CCNA2: variants seen among roughly 807,000 people sequenced by gnomAD.
CCNA2 encodes cyclin-A2.
Under a neutral mutation model 49.4 loss-of-function variants are expected in CCNA2, and 3 were observed. That is an observed-to-expected ratio of 0.06 (90% confidence interval 0.03 to 0.16). The LOEUF (loss-of-function observed/expected upper bound fraction) is 0.16. Among genes scored for constraint, CCNA2 ranks in the 10% least tolerant of loss-of-function variants. CCNA2 has a pLI of 1.00. For missense variants in CCNA2, 372 were observed against 519.7 expected (o/e 0.72, Z 2.76); for synonymous variants, 206 against 197.2 (o/e 1.04, Z -0.37).
In CCNA2 at chr4:121,816,845, G is replaced by A. The variant is rs1724535059; in HGVS notation, c.*793C>T. On this transcript the variant is annotated 3_prime_UTR_variant, in exon 8 of 8. Coordinates refer to ENST00000274026, the MANE Select transcript of CCNA2 (RefSeq NM_001237.5). ...AGTGAAAAGAAGAAAAAAGAAGAGA[G>A]CTGCCAATTAAAGCTAACAGTTGTA... 6.3e-7 allele frequency: 1 copy of A among 1,588,906 alleles called. No individual in the cohort carries two copies.
chr4:121,817,464 T>A lies in CCNA2; in HGVS notation c.*174A>T, dbSNP rs769255. The A allele has an allele frequency of 1.5e-6, 1 of 666,722 alleles. No individual in the cohort carries two copies. The highest frequency in any genetic ancestry group is 2.5e-5 in the South Asian group (1 of 40,430). 41.3% of individuals were successfully genotyped at this position (666,722 alleles called of 1,614,324 possible). On this transcript the variant is annotated 3_prime_UTR_variant, in exon 8 of 8. Coordinates refer to ENST00000274026, the MANE Select transcript of CCNA2 (RefSeq NM_001237.5). ...TAGCCAAATATCTAAGACAGATACA[T>A]ATACAAAAGATATACAAATTAAAAC...
At position 121,817,617 on chromosome 4, in the gene CCNA2, A is replaced by G; in HGVS notation, c.*21T>C. On this transcript the variant is annotated 3_prime_UTR_variant, in exon 8 of 8. Coordinates refer to ENST00000274026, the MANE Select transcript of CCNA2 (RefSeq NM_001237.5). Reference sequence around the variant, plus strand: ...ACTTTGAGTGATTTACATCTTAGAAAACAAAGGCAGTCTTTCATTGTTACA... The same window carrying G: ...ACTTTGAGTGATTTACATCTTAGAAGACAAAGGCAGTCTTTCATTGTTACA... The G allele has an allele frequency of 6.2e-7, 1 of 1,613,872 alleles. No homozygotes were observed. The highest frequency in any genetic ancestry group is 8.5e-7 in the Non-Finnish European group (1 of 1,179,834).
chr4:121,823,687 G>T lies in CCNA2; in HGVS notation c.-59C>A. On this transcript the variant is annotated 5_prime_UTR_variant, in exon 1 of 8. Transcript: ENST00000274026. ...TGCGGCGCCAAGCAGCGTGCACTCTGCCCAGCCGACCACTCGCACCGACCC... is the reference window on the plus strand; with the variant it reads ...TGCGGCGCCAAGCAGCGTGCACTCTTCCCAGCCGACCACTCGCACCGACCC... The T allele has an allele frequency of 6.7e-7, 1 of 1,495,750 alleles. No homozygotes were observed. The highest frequency in any genetic ancestry group is 1.3e-5 in the South Asian group (1 of 79,396). The allele number at this position is 1,495,750 out of a possible 1,614,324, so 92.7% of individuals were successfully genotyped here. A position where few individuals can be genotyped will look rare whatever the true frequency, so the allele number is the denominator to read the frequency against.
Position 121,822,648 on chromosome 4 carries a change from T to TA in CCNA2, c.214-3dup, listed in dbSNP as rs199853275. ...AGGAAGATCCTTAAGGGGTGCAACC[T>TA]AAAAAAAAATTAATAACTGGCTTTG... On this transcript the variant is annotated splice_region_variant and splice_polypyrimidine_tract_variant and intron_variant, in intron 1 of 7. Coordinates refer to ENST00000274026, the MANE Select transcript of CCNA2 (RefSeq NM_001237.5). The TA allele has an allele frequency of 5.5e-4, 884 of 1,596,748 alleles. 13 individuals are homozygous for TA. In the East Asian group the frequency reaches 0.018, roughly 33 times the overall value.
Position 121,820,420 on chromosome 4 carries a change from G to C in CCNA2, c.794+122C>G. The C allele has an allele frequency of 1.5e-6, 1 of 660,576 alleles. No homozygotes were observed. Among genetic ancestry groups the C allele is most frequent in the African/African-American group, 1.8e-5 (1 of 54,840 alleles). 40.9% of individuals were successfully genotyped at this position (660,576 alleles called of 1,614,324 possible). A position where few individuals can be genotyped will look rare whatever the true frequency, so the allele number is the denominator to read the frequency against. On this transcript the variant is annotated intron_variant, in intron 4 of 7. Transcript: ENST00000274026. The surrounding 1 kb of genome is among the most constrained non-coding windows in gnomAD (Gnocchi z 4.1). ...CCACTGCCCTAAGCCCCAGCACATT[G>C]CCATCCCTAAAGTAGTCACTGACTC...
chr4:121,823,792 C>T lies in CCNA2; in HGVS notation c.-164G>A. 1 of 1,318,270 alleles carries T rather than the reference C, an allele frequency of 7.6e-7. No homozygotes were observed. Among genetic ancestry groups the T allele is most frequent in the Non-Finnish European group, 1.0e-6 (1 of 997,504 alleles). 81.7% of individuals were successfully genotyped at this position (1,318,270 alleles called of 1,614,324 possible). ...CCCGCTCGCTCACCCAGCTCGAGAC[C>T]ACGCAGGGCCGAGGAGGTTGCGAAA... On this transcript the variant is annotated 5_prime_UTR_variant, in exon 1 of 8. Transcript: ENST00000274026.
Position 121,820,479 on chromosome 4 carries a change from A to C in CCNA2, c.794+63T>G. ...GTATGTTAAAAGGTCACCATTAAAA[A>C]AATCAATTTCTTCCCTAGACAAAAG... On this transcript the variant is annotated intron_variant, in intron 4 of 7. Coordinates refer to ENST00000274026, the MANE Select transcript of CCNA2 (RefSeq NM_001237.5). This position sits in a 1 kb window ranked among gnomAD's most constrained non-coding sequence, Gnocchi z 4.1. 8.1e-7 allele frequency: 1 copy of C among 1,237,494 alleles called. No individual in the cohort carries two copies. The allele number at this position is 1,237,494 out of a possible 1,614,324, so 76.7% of individuals were successfully genotyped here.
rs1724541088 is a variant in CCNA2, at chr4:121,816,957, T to C, written c.*681A>G. 1 of 1,149,262 alleles carries C rather than the reference T, an allele frequency of 8.7e-7. No homozygotes were observed. Among genetic ancestry groups the C allele is most frequent in the African/African-American group, 1.6e-5 (1 of 62,190 alleles). 71.2% of individuals were successfully genotyped at this position (1,149,262 alleles called of 1,614,324 possible). A position where few individuals can be genotyped will look rare whatever the true frequency, so the allele number is the denominator to read the frequency against. On this transcript the variant is annotated 3_prime_UTR_variant, in exon 8 of 8. Coordinates refer to ENST00000274026, the MANE Select transcript of CCNA2 (RefSeq NM_001237.5). ...TTATTCACAAATCCATTATAAAATC[T>C]AGCAGGATTTTAAAAATAGTTTTTT...
At chr4:121,819,093 C>G (rs912200222) in intron 5 of CCNA2, among the ~76,000 whole-genome samples, 180 bp from the exon 6 acceptor site, 5 of 152,130 alleles carry the variant, frequency 3.3e-5, no homozygotes, top group African/African-American at 1.2e-4. Flanking sequence ...CATCCTCATC[C>G]TGTATTTTCC....
rs1455425984 is a variant in CCNA2, at chr4:121,823,569, T to G, written c.60A>C (p.Ala20=). 1.2e-6 allele frequency: 2 copies of G among 1,610,224 alleles called. No individual in the cohort carries two copies. The highest frequency in any genetic ancestry group is 2.2e-5 in the South Asian group (2 of 90,504). Residue 20 remains alanine, a synonymous_variant, in exon 1 of 8, where the codon GCA becomes GCC. Coordinates refer to ENST00000274026, the MANE Select transcript of CCNA2 (RefSeq NM_001237.5). The stretch of plus-strand genomic sequence containing the variant: ...CCTCTTGGAGCGCCGTCTGCTGCAA[T>G]GCTAGCAGCGCCGAGCCCGCCTCGC... The part of the protein sequence containing the change: ...ATREAGSALL[A]LQQTALQEDQ...
At position 121,821,076 on chromosome 4, in the gene CCNA2, A is replaced by ATAG; in HGVS notation, c.470_472dup (p.Thr157dup). 6.2e-7 allele frequency: 1 copy of ATAG among 1,613,082 alleles called. No homozygotes were observed. The highest frequency in any genetic ancestry group is 1.3e-5 in the African/African-American group (1 of 75,020). On this transcript the variant is annotated inframe_insertion, in exon 3 of 8. Transcript: ENST00000274026. ...ATCTTCTAATATAATTGACATGTCCATAGTATGTGGTGACTCTGGGACAAT... is the reference window on the plus strand; with the variant it reads ...ATCTTCTAATATAATTGACATGTCCATAGTAGTATGTGGTGACTCTGGGACAAT...
At chr4:121,818,216 T>C in intron 6 of CCNA2, 39 bp from the exon 7 acceptor site, 1 of 1,578,156 alleles carries the variant, frequency 6.3e-7, no homozygotes, top group Non-Finnish European at 8.6e-7. Context: ...AGTTTTGCTT[T>C]TAGTAACACA....
chr4:121,817,527 C>A lies in CCNA2; in HGVS notation c.*111G>T. On this transcript the variant is annotated 3_prime_UTR_variant, in exon 8 of 8. Coordinates refer to ENST00000274026, the MANE Select transcript of CCNA2 (RefSeq NM_001237.5). ...AATAGATACCATAATTTGTACTTGG[C>A]CACAACTTCTGTATTCAGAAATGAT... 7.5e-7 allele frequency: 1 copy of A among 1,333,092 alleles called. No homozygotes were observed. Among genetic ancestry groups the A allele is most frequent in the Non-Finnish European group, 1.0e-6 (1 of 962,292 alleles). 82.6% of individuals were successfully genotyped at this position (1,333,092 alleles called of 1,614,324 possible).
intron 7 of CCNA2, 86 bp from the exon 8 acceptor site, chr4:121,817,772 G>A: frequency 6.4e-7 from 1 of 1,562,222 alleles, no homozygotes; most frequent in Non-Finnish European, 8.7e-7. Flanking sequence ...TCATGTATTG[G>A]GAACTAAAAA....
At chr4:121,823,122 G>A (rs1434839334) in intron 1 of CCNA2, among the ~76,000 whole-genome samples, 2 of 152,168 alleles carry the variant, frequency 1.3e-5, no homozygotes, top group Non-Finnish European at 2.9e-5. Context: ...AGAGAAAGGC[G>A]CGGAGCTGAG....
Position 121,823,564 on chromosome 4 carries a change from T to C in CCNA2, c.65A>G (p.Gln22Arg). 2 of 1,610,926 alleles carry C rather than the reference T, an allele frequency of 1.2e-6. No homozygotes were observed. The highest frequency in any genetic ancestry group is 2.2e-5 in the South Asian group (2 of 90,568). Reference protein sequence around the residue: ...REAGSALLALQQTALQEDQEN... With the variant: ...REAGSALLALRQTALQEDQEN... ...CTGGTCCTCTTGGAGCGCCGTCTGC[T>C]GCAATGCTAGCAGCGCCGAGCCCGC... Residue 22 changes from glutamine (Q) to arginine (R), a missense_variant, in exon 1 of 8, where the codon CAG becomes CGG. By Grantham distance (43) the Gln-to-Arg change is conservative (BLOSUM62 1). Coordinates refer to ENST00000274026, the MANE Select transcript of CCNA2 (RefSeq NM_001237.5).
rs1252563363 is a variant in CCNA2, at chr4:121,816,480, C to T, written c.*1158G>A. 4.5e-6 allele frequency: 6 copies of T among 1,328,084 alleles called. No individual in the cohort carries two copies. Among genetic ancestry groups the T allele is most frequent in the Non-Finnish European group, 6.3e-6 (6 of 950,138 alleles). The allele number at this position is 1,328,084 out of a possible 1,614,324, so 82.3% of individuals were successfully genotyped here. On this transcript the variant is annotated 3_prime_UTR_variant, in exon 8 of 8. Transcript: ENST00000274026. Reference sequence around the variant, plus strand: ...ATTTCTGGTTTATTTCAAATGTATACATATACTCAACACTTATAGAGGTTT... The same window carrying T: ...ATTTCTGGTTTATTTCAAATGTATATATATACTCAACACTTATAGAGGTTT...
intron 2 of CCNA2, among the ~76,000 whole-genome samples, 158 bp from the exon 3 acceptor site, chr4:121,821,249 T>A (rs893993773): frequency 6.6e-6 from 1 of 151,932 alleles, no homozygotes; most frequent in Non-Finnish European, 1.5e-5. Flanking sequence ...TATTTTACCC[T>A]AGTCTCAGTA....
chr4:121,823,134 G>A (rs1724734534), intron 1 of CCNA2, among the ~76,000 whole-genome samples: 1 of 152,190 alleles, frequency 6.6e-6, no homozygotes, highest in Admixed American at 6.5e-5. Context: ...GGAGCTGAGC[G>A]AAGACTACAC....
Sources: gnomAD v4.1 joint callset for allele counts (sites outside exome capture counted in the v4.1 genomes callset) on GRCh38, gnomAD v4.1.1 for gene constraint, Gnocchi (gnomAD v3.1) non-coding constraint, MANE v1.5 for transcripts, NCBI Gene and HGNC (gene_info 2026-07-23, HGNC 2026-07-21) for gene names.